The following VPS36 variants were observed in gnomAD, a reference collection of about 807,000 sequenced individuals.
VPS36 encodes the protein vacuolar protein-sorting-associated protein 36.
In VPS36, 31 loss-of-function variants were observed where a neutral mutation model predicts 63.5. That is an observed-to-expected ratio of 0.49 (90% CI 0.37 to 0.66). VPS36 has a LOEUF of 0.66. VPS36 is among the 30% of genes least tolerant of loss of function. The pLI is 0.00. For missense variants in VPS36, 338 were observed against 463.7 expected, an observed-to-expected ratio of 0.73 and a Z score of 2.49; for synonymous variants, 138 against 157.2, an observed-to-expected ratio of 0.88 and a Z score of 0.91.
chr13:52,434,401 C>T (rs1958192027), intron 5 of VPS36, among the ~76,000 whole-genome samples: 1 of 152,226 alleles, frequency 6.6e-6, no homozygotes, highest in East Asian at 1.9e-4. Flanking sequence ...CTCTGTCGCC[C>T]AGGCTGAAGT....
At chr13:52,432,121 G>C in intron 6 of VPS36, among the ~76,000 whole-genome samples, 1 of 150,056 alleles carries the variant, frequency 6.7e-6, no homozygotes, top group South Asian at 2.1e-4. Context: ...GAGAGGCCGC[G>C]GCGGCGGATC....
Position 52,436,353 on chromosome 13 carries a change from G to T in VPS36, c.288C>A (p.Gly96=). 1 of 1,613,256 alleles carries T rather than the reference G, an allele frequency of 6.2e-7. No individual in the cohort carries two copies. Among genetic ancestry groups the T allele is most frequent in the Non-Finnish European group, 8.5e-7 (1 of 1,179,754 alleles). Residue 96 remains glycine (G), a synonymous_variant, in exon 4 of 14, where the codon GGC becomes GGA. Coordinates refer to ENST00000378060, the MANE Select transcript of VPS36 (RefSeq NM_016075.4). ...AGGAGTTCTTACTACTCTGGAATGG[G>T]CCAGGTTCTTTGTTAGGAGGAGCTG... The part of the protein sequence containing the change: ...LHPAPPNKEP[G]PFQSSKNSYI...
chr13:52,425,097 A>T (rs1958087054), intron 9 of VPS36, among the ~76,000 whole-genome samples: 1 of 151,410 alleles, frequency 6.6e-6, no homozygotes, highest in African/African-American at 2.4e-5. Context: ...AAATACAAAA[A>T]ATTAGCCGGG....
intron 1 of VPS36, among the ~76,000 whole-genome samples, chr13:52,444,950 T>G (rs921836299): frequency 6.6e-6 from 1 of 152,204 alleles, no homozygotes; most frequent in Admixed American, 6.5e-5. Flanking sequence ...CCTTGCATAA[T>G]AAATAACACA....
intron 3 of VPS36, among the ~76,000 whole-genome samples, chr13:52,436,880 G>A (rs1958224377): frequency 6.6e-6 from 1 of 152,052 alleles, no homozygotes; most frequent in African/African-American, 2.4e-5. Flanking sequence ...ATCATTTGTT[G>A]GAAAATGCCA....
At chr13:52,424,562 G>A (rs4886077) in intron 9 of VPS36, among the ~76,000 whole-genome samples, 7 of 151,918 alleles carry the variant, frequency 4.6e-5, no homozygotes, top group Non-Finnish European at 2.9e-5. Context: ...GGAAACACAC[G>A]GTGGGGTGGG....
chr13:52,437,305 C>T (rs925646672), intron 3 of VPS36, among the ~76,000 whole-genome samples: 4 of 152,114 alleles, frequency 2.6e-5, no homozygotes, highest in Admixed American at 6.5e-5. Flanking sequence ...TGTAAGGACT[C>T]CTCCTATTCC....
At chr13:52,446,339 C>T (rs1958343545) in intron 1 of VPS36, among the ~76,000 whole-genome samples, 1 of 151,860 alleles carries the variant, frequency 6.6e-6, no homozygotes, top group South Asian at 2.1e-4. Context: ...CGTATGTTAT[C>T]TTACTGAAAT....
Position 52,412,846 on chromosome 13 carries a change from A to C in VPS36, c.*2984T>G, listed in dbSNP as rs572702668. 5 of 152,476 alleles carry C rather than the reference A, an allele frequency of 3.3e-5. No individual in the cohort carries two copies. In the East Asian group the frequency reaches 9.6e-4, roughly 29 times the overall value. The allele number at this position is 152,476 out of a possible 1,614,324, so 9.4% of individuals were successfully genotyped here. ...GATCGTAAGGGATGGGATTAGCAATAAATTTACATAAATTCAACCATACCT... is the reference window on the plus strand; with the variant it reads ...GATCGTAAGGGATGGGATTAGCAATCAATTTACATAAATTCAACCATACCT... On this transcript the variant is annotated 3_prime_UTR_variant, in exon 14 of 14. Coordinates refer to ENST00000378060, the MANE Select transcript of VPS36 (RefSeq NM_016075.4).
chr13:52,418,729 G>A (rs560112972), intron 10 of VPS36, among the ~76,000 whole-genome samples: 10 of 151,696 alleles, frequency 6.6e-5, no homozygotes, highest in South Asian at 4.2e-4. Flanking sequence ...TATTTTGTAC[G>A]AAGTCTTCTG....
chr13:52,444,583 C>CAT lies in VPS36; in HGVS notation c.97-2140_97-2139dup, dbSNP rs529090463. On this transcript the variant is annotated intron_variant, in intron 1 of 13. Coordinates refer to ENST00000378060, the MANE Select transcript of VPS36 (RefSeq NM_016075.4). ...ATATACACATATATATACACACACA[C>CAT]ATATATATATGAAAAGTAAATAAAT... Among the ~76,000 whole-genome samples the CAT allele has an allele frequency of 1.2e-3, 171 of 147,890 alleles. 2 individuals carry two copies. The East Asian group carries it at 0.015, about 13-fold the overall frequency.
At position 52,449,988 on chromosome 13, in the gene VPS36, C is replaced by G. The variant is rs367693340; in HGVS notation, c.96+511G>C. The G allele has an allele frequency of 5.1e-6, 5 of 985,670 alleles. No homozygotes were observed. In the African/African-American group the frequency reaches 5.2e-5, roughly 10 times the overall value. 61.1% of individuals were successfully genotyped at this position (985,670 alleles called of 1,614,324 possible). A position where few individuals can be genotyped will look rare whatever the true frequency, so the allele number is the denominator to read the frequency against. ...ACCCCTCTGCCCAGATATGCTAATC[C>G]CTCCGACTGCATAAGGTCCAAGCTA... On this transcript the variant is annotated intron_variant, in intron 1 of 13. Coordinates refer to ENST00000378060, the MANE Select transcript of VPS36 (RefSeq NM_016075.4).
At position 52,429,226 on chromosome 13, in the gene VPS36, TCTTA is replaced by T. The variant is rs969652905; in HGVS notation, c.529-2011_529-2008del. The T allele has an allele frequency of 4.1e-6, 4 of 984,208 alleles. No individual in the cohort carries two copies. The African/African-American group carries it at 5.2e-5, about 13-fold the overall frequency. The allele number at this position is 984,208 out of a possible 1,614,324, so 61.0% of individuals were successfully genotyped here. ...CCTTAAGCTGACTTACAGCATGATT[TCTTA>T]CTTACTTTTAGTTATCACTTTGGCT... On this transcript the variant is annotated intron_variant, in intron 6 of 13. Coordinates refer to ENST00000378060, the MANE Select transcript of VPS36 (RefSeq NM_016075.4).
intron 10 of VPS36, among the ~76,000 whole-genome samples, chr13:52,421,300 A>G (rs1007381365): frequency 4.6e-5 from 7 of 152,106 alleles, no homozygotes; most frequent in African/African-American, 1.4e-4. Context: ...TCTCACTTAC[A>G]TGTAGAATCT....
At chr13:52,422,058 T>C (rs1958052526) in intron 10 of VPS36, among the ~76,000 whole-genome samples, 2 of 152,064 alleles carry the variant, frequency 1.3e-5, no homozygotes, top group African/African-American at 4.8e-5. Flanking sequence ...AACATTCGAA[T>C]TTATTCCATC....
At chr13:52,426,471 T>C (rs894843859) in intron 8 of VPS36, among the ~76,000 whole-genome samples, 1 of 152,226 alleles carries the variant, frequency 6.6e-6, no homozygotes, top group Non-Finnish European at 1.5e-5. Flanking sequence ...ATTTCTGTTT[T>C]CTACACTCCA....
At chr13:52,440,496 T>C (rs1958265438) in intron 2 of VPS36, among the ~76,000 whole-genome samples, 1 of 152,080 alleles carries the variant, frequency 6.6e-6, no homozygotes, top group South Asian at 2.1e-4. Flanking sequence ...TTTCTCCACG[T>C]TGGTCAGGCT....
intron 1 of VPS36, chr13:52,450,136 A>C: frequency 1.0e-6 from 1 of 997,272 alleles, no homozygotes; most frequent in Non-Finnish European, 1.2e-6. Flanking sequence ...ACGCCAAGGA[A>C]GTCGACTGCC....
rs755793844 is a variant in VPS36 at position 52,418,027 on chromosome 13, C to T, written c.870G>A (p.Ala290=). Residue 290 remains alanine, a synonymous_variant, in exon 11 of 14, where the codon GCG becomes GCA. Coordinates refer to ENST00000378060, the MANE Select transcript of VPS36 (RefSeq NM_016075.4). The part of the protein sequence containing the change: ...ELLSPEDLVN[A]CKMLEALKLP... ...ATTTCAGTGCTTCCAGCATCTTGCA[C>T]GCATTCACTAAATCTTCTGGTGAGA... 30 of 1,611,866 alleles carry T rather than the reference C, an allele frequency of 1.9e-5. No individual in the cohort carries two copies. The highest frequency in any genetic ancestry group is 1.6e-4 in the East Asian group (7 of 44,842).
Sources: gnomAD v4.1 joint callset for allele counts (sites outside exome capture counted in the v4.1 genomes callset) on GRCh38, gnomAD v4.1.1 for gene constraint, MANE v1.5 for transcripts, NCBI Gene and HGNC (gene_info 2026-07-23, HGNC 2026-07-21) for gene names.